The following GRM8 variants were observed in gnomAD, a reference collection of about 807,000 sequenced individuals.
GRM8 encodes glutamate metabotropic receptor 8.
Under a neutral mutation model 87.2 loss-of-function variants are expected in GRM8, and 47 were observed. The observed-to-expected ratio is 0.54, with a 90% CI of 0.43 to 0.69. The LOEUF (loss-of-function observed/expected upper bound fraction) is 0.69. GRM8 is among the 30% of genes least tolerant of loss of function. The pLI, the probability that GRM8 is intolerant of heterozygous loss-of-function variation, is 0.00. For missense variants in GRM8, 1,019 were observed against 1,139.2 expected, an observed-to-expected ratio of 0.89 and a Z score of 1.52; for synonymous variants, 396 against 404.5, an observed-to-expected ratio of 0.98 and a Z score of 0.25.
At chr7:126,720,036 A>G (rs911814078) in intron 7 of GRM8, among the ~76,000 whole-genome samples, 50 of 151,982 alleles carry the variant, frequency 3.3e-4, no homozygotes, top group African/African-American at 1.2e-3. Flanking sequence ...TACTATAAAC[A>G]TACCCTTTCT....
At chr7:127,173,284 G>A in intron 2 of GRM8, among the ~76,000 whole-genome samples, 1 of 152,186 alleles carries the variant, frequency 6.6e-6, no homozygotes, top group Non-Finnish European at 1.5e-5. Flanking sequence ...GGTAGCTATT[G>A]GTTATTGGGA....
At chr7:127,117,448 G>T (rs1455004662) in intron 2 of GRM8, among the ~76,000 whole-genome samples, 1 of 152,184 alleles carries the variant, frequency 6.6e-6, no homozygotes, top group Non-Finnish European at 1.5e-5. Context: ...GTTTCTGCCA[G>T]TTTCTTTGAT....
chr7:126,609,415 T>G lies in GRM8; in HGVS notation c.1441A>C (p.Lys481Gln). Residue 481 changes from lysine to glutamine, a missense_variant, in exon 8 of 11, where the codon AAA (lysine) becomes CAA (glutamine). Transcript: ENST00000339582. ...CCGATGACTTTGTACTCTGTGCTTTTGTTGGTTATTTGATACTGGAAGATA... is the reference window on the plus strand; with the variant it reads ...CCGATGACTTTGTACTCTGTGCTTTGGTTGGTTATTTGATACTGGAAGATA... Reference protein sequence around the residue: ...YDIFQYQITNKSTEYKVIGHW... With the variant: ...YDIFQYQITNQSTEYKVIGHW... 4 of 1,613,630 alleles carry G rather than the reference T, an allele frequency of 2.5e-6. No homozygotes were observed. Among genetic ancestry groups the G allele is most frequent in the Non-Finnish European group, 3.4e-6 (4 of 1,179,522 alleles).
intron 3 of GRM8, among the ~76,000 whole-genome samples, chr7:127,015,062 AAG>A (rs1410039871): frequency 0.025 from 2,367 of 95,612 alleles, 32 homozygotes; most frequent in Middle Eastern, 0.054. Flanking sequence ...GAAGAAGAAG[AAG>A]AAGAAAGAAA....
chr7:126,985,082 A>G (rs1453342284), intron 3 of GRM8, among the ~76,000 whole-genome samples: 1 of 152,160 alleles, frequency 6.6e-6, no homozygotes, highest in African/African-American at 2.4e-5. Context: ...GAGATCATTT[A>G]CTGAGCTTAT....
Position 126,483,409 on chromosome 7 carries a change from A to C in GRM8, c.2431-37037T>G, listed in dbSNP as rs899646393. On this transcript the variant is annotated intron_variant, in intron 9 of 10. Coordinates refer to ENST00000339582, the MANE Select transcript of GRM8 (RefSeq NM_000845.3). ...CACAGGTACTTTATGTATAACTAAA[A>C]TAAAATTTAATAAAACATACCCTTA... is the stretch of plus-strand genomic sequence containing the variant. Among the ~76,000 whole-genome samples, 4 of 150,460 alleles carry C rather than the reference A, an allele frequency of 2.7e-5. No individual in the cohort carries two copies. The East Asian group carries it at 6.0e-4, about 23-fold the overall frequency.
At chr7:126,475,884 G>C (rs746131992) in intron 9 of GRM8, among the ~76,000 whole-genome samples, 4 of 152,048 alleles carry the variant, frequency 2.6e-5, no homozygotes. Flanking sequence ...TCCAACAAAT[G>C]GTGGTGGGAA....
At chr7:127,191,605 T>C (rs1465185117) in intron 2 of GRM8, among the ~76,000 whole-genome samples, 1 of 152,158 alleles carries the variant, frequency 6.6e-6, no homozygotes, top group African/African-American at 2.4e-5. Context: ...TGAAAGGTAA[T>C]GTAGTCTCAT....
chr7:126,967,313 G>C (rs1469749329), intron 3 of GRM8, among the ~76,000 whole-genome samples: 2 of 152,124 alleles, frequency 1.3e-5, no homozygotes, highest in Non-Finnish European at 2.9e-5. Context: ...TAACAGCAAT[G>C]GAAGATGAAA....
chr7:127,198,181 CCAT>C (rs1795392909), intron 2 of GRM8, among the ~76,000 whole-genome samples: 1 of 152,012 alleles, frequency 6.6e-6, no homozygotes, highest in Non-Finnish European at 1.5e-5. Context: ...ATTGGGATAT[CCAT>C]CACCTCATTT....
chr7:126,948,831 T>A (rs1386741952), intron 3 of GRM8, among the ~76,000 whole-genome samples: 2 of 152,224 alleles, frequency 1.3e-5, no homozygotes, highest in Admixed American at 6.5e-5. Context: ...GCTCAGTGCG[T>A]AAATGCTGTC....
intron 7 of GRM8, among the ~76,000 whole-genome samples, chr7:126,709,194 T>C (rs1158855580): frequency 6.6e-6 from 1 of 152,118 alleles, no homozygotes; most frequent in Middle Eastern, 3.2e-3. Flanking sequence ...TCAACATTAA[T>C]AATCATTAGA....
chr7:126,446,552 A>T (rs931257445), intron 9 of GRM8, among the ~76,000 whole-genome samples, 180 bp from the exon 10 acceptor site: 1 of 152,018 alleles, frequency 6.6e-6, no homozygotes, highest in African/African-American at 2.4e-5. Flanking sequence ...GCAAATGTAA[A>T]TGAGTAAGGT....
Position 126,981,215 on chromosome 7 carries a change from A to G in GRM8, c.728-76532T>C, listed in dbSNP as rs547806382. On this transcript the variant is annotated intron_variant, in intron 3 of 10. Coordinates refer to ENST00000339582, the MANE Select transcript of GRM8 (RefSeq NM_000845.3). ...TGGGGCTAGGACTTCCAAAGTCAGG[A>G]CAGCTGGCTCTGGGGCTAAAATTGC... 47 of 152,448 alleles carry G rather than the reference A, an allele frequency of 3.1e-4. 1 individual carries two copies. The highest frequency in any genetic ancestry group is 1.0e-3 in the African/African-American group (42 of 41,554). The allele number at this position is 152,448 out of a possible 1,614,324, so 9.4% of individuals were successfully genotyped here.
chr7:126,589,064 A>T (rs1796429907), intron 8 of GRM8, among the ~76,000 whole-genome samples: 1 of 152,222 alleles, frequency 6.6e-6, no homozygotes, highest in Non-Finnish European at 1.5e-5. Context: ...AGATAAAAAG[A>T]AACCTCAAGC....
At chr7:126,846,030 A>G (rs1796684354) in intron 6 of GRM8, among the ~76,000 whole-genome samples, 1 of 151,964 alleles carries the variant, frequency 6.6e-6, no homozygotes, top group Admixed American at 6.6e-5. Context: ...TTCCAGCAAT[A>G]TAAAATATAT....
intron 3 of GRM8, among the ~76,000 whole-genome samples, chr7:127,003,374 G>C (rs1019310064): frequency 2.6e-5 from 4 of 151,682 alleles, no homozygotes; most frequent in Non-Finnish European, 5.9e-5. Context: ...AAAAGAACAT[G>C]AAATAGTTTG....
At chr7:126,868,140 T>C (rs1321379690) in intron 6 of GRM8, among the ~76,000 whole-genome samples, 1 of 152,128 alleles carries the variant, frequency 6.6e-6, no homozygotes, top group Non-Finnish European at 1.5e-5. Context: ...GCAATCCCCA[T>C]CCTGCCTGTG....
At chr7:127,101,856 CAGA>C (rs1287650249) in intron 3 of GRM8, among the ~76,000 whole-genome samples, 1 of 152,094 alleles carries the variant, frequency 6.6e-6, no homozygotes, top group Non-Finnish European at 1.5e-5. Context: ...TTGGAGGGCT[CAGA>C]AGAAGACAGG....
Sources: gnomAD v4.1 joint callset for allele counts (sites outside exome capture counted in the v4.1 genomes callset) on GRCh38, gnomAD v4.1.1 for gene constraint, MANE v1.5 for transcripts, NCBI Gene and HGNC (gene_info 2026-07-23, HGNC 2026-07-21) for gene names.